PTPRD: variants seen among roughly 807,000 people sequenced by gnomAD.
PTPRD encodes protein tyrosine phosphatase receptor type D, also known as receptor-type tyrosine-protein phosphatase delta.
A neutral mutation model predicts 214.5 loss-of-function variants in PTPRD; 34 were observed. The observed-to-expected ratio is 0.16, with a 90% CI of 0.12 to 0.21. PTPRD has a LOEUF of 0.21. Among genes scored for constraint, PTPRD ranks in the 10% least tolerant of loss-of-function variants. The probability of loss-of-function intolerance (pLI) is 1.00; values close to 1 mark genes in which losing one functional copy is unlikely to be tolerated. For missense variants in PTPRD, 2,545 were observed against 2,398.7 expected (o/e 1.06, Z -1.27); for synonymous variants, 1,128 against 845.7 (o/e 1.33, Z -5.79).
At chr9:9,998,042 C>T (rs1271853480) in intron 4 of PTPRD, among the ~76,000 whole-genome samples, 4 of 150,594 alleles carry the variant, frequency 2.7e-5, no homozygotes, top group African/African-American at 9.8e-5. Flanking sequence ...CACTTTTCTG[C>T]CCCACACAGA....
At chr9:10,472,781 A>C (rs2099039580) in intron 2 of PTPRD, among the ~76,000 whole-genome samples, 1 of 152,086 alleles carries the variant, frequency 6.6e-6, no homozygotes, top group Non-Finnish European at 1.5e-5. Flanking sequence ...AATTAAACAT[A>C]TATCTGATAT....
chr9:8,659,932 A>T (rs922153663), intron 12 of PTPRD, among the ~76,000 whole-genome samples: 1 of 152,214 alleles, frequency 6.6e-6, no homozygotes, highest in Non-Finnish European at 1.5e-5. Context: ...ATGTAGAGAG[A>T]GAGAGAGAGA....
chr9:8,611,176 G>A (rs1595206881), intron 14 of PTPRD, among the ~76,000 whole-genome samples: 1 of 152,084 alleles, frequency 6.6e-6, no homozygotes, highest in African/African-American at 2.4e-5. Context: ...GGTATCCCCT[G>A]TAAAGTAAGA....
At position 8,690,915 on chromosome 9, in the gene PTPRD, ATAAT is replaced by A. The variant is rs367743186; in HGVS notation, c.64+42861_64+42864del. Among the ~76,000 whole-genome samples the A allele has an allele frequency of 3.9e-4, 59 of 152,312 alleles. 1 individual carries two copies. The East Asian group carries it at 0.011, about 28-fold the overall frequency. ...TAATCTTGAATATTAAGCAGACTTA[ATAAT>A]TAAGTGGAAAAATGGATTTGACTGG... is the stretch of plus-strand genomic sequence containing the variant. On this transcript the variant is annotated intron_variant, in intron 12 of 45. Transcript: ENST00000381196.
intron 3 of PTPRD, among the ~76,000 whole-genome samples, chr9:10,327,454 T>C (rs1245724106): frequency 1.3e-5 from 2 of 151,404 alleles, no homozygotes; most frequent in Non-Finnish European, 3.0e-5. Flanking sequence ...AAGGAATTAT[T>C]GTAAGGTCTC....
At chr9:9,235,374 C>A (rs1164030196) in intron 9 of PTPRD, among the ~76,000 whole-genome samples, 2 of 152,144 alleles carry the variant, frequency 1.3e-5, no homozygotes, top group Non-Finnish European at 2.9e-5. Flanking sequence ...AGAGTTTCCA[C>A]TGATGGGGGC....
intron 3 of PTPRD, among the ~76,000 whole-genome samples, chr9:10,186,723 T>C (rs1217099673): frequency 6.6e-6 from 1 of 152,160 alleles, no homozygotes; most frequent in African/African-American, 2.4e-5. Context: ...CATTCTCAAA[T>C]GTATAAATTA....
At chr9:8,850,353 G>T (rs2097787075) in intron 11 of PTPRD, among the ~76,000 whole-genome samples, 1 of 152,108 alleles carries the variant, frequency 6.6e-6, no homozygotes, top group Admixed American at 6.5e-5. Context: ...TAGATAAAAT[G>T]AAAATAAAAG....
chr9:9,834,631 C>G (rs557574088), intron 5 of PTPRD, among the ~76,000 whole-genome samples: 1 of 151,936 alleles, frequency 6.6e-6, no homozygotes, highest in Non-Finnish European at 1.5e-5. Flanking sequence ...AAGGAGCAAC[C>G]CAAAGCCTCT....
At chr9:10,438,008 C>CATATATATATATATATAT (rs71485332) in intron 2 of PTPRD, among the ~76,000 whole-genome samples, 9 of 125,148 alleles carry the variant, frequency 7.2e-5, no homozygotes, top group African/African-American at 2.7e-4. Flanking sequence ...CCTAAGTCTA[C>CATATATATATATATATAT]ATATATATAT....
intron 39 of PTPRD, among the ~76,000 whole-genome samples, chr9:8,344,874 G>T (rs1037676625): frequency 2.0e-5 from 3 of 150,668 alleles, no homozygotes; most frequent in African/African-American, 7.3e-5. Flanking sequence ...TAATTATCCA[G>T]TAAGTCTTAA....
chr9:9,660,795 T>C (rs557705743), intron 7 of PTPRD, among the ~76,000 whole-genome samples: 1 of 151,968 alleles, frequency 6.6e-6, no homozygotes, highest in Non-Finnish European at 1.5e-5. Flanking sequence ...AGAAAATTAA[T>C]CTTGCAACAA....
chr9:10,505,608 G>C (rs555681849), intron 2 of PTPRD, among the ~76,000 whole-genome samples: 1 of 151,840 alleles, frequency 6.6e-6, no homozygotes, highest in Non-Finnish European at 1.5e-5. Context: ...TAGTCACCAG[G>C]CATACCATGG....
At chr9:10,411,617 C>T (rs1448059012) in intron 2 of PTPRD, among the ~76,000 whole-genome samples, 1 of 151,610 alleles carries the variant, frequency 6.6e-6, no homozygotes, top group Non-Finnish European at 1.5e-5. Context: ...TATATTGTGC[C>T]TGAATTTGCA....
intron 7 of PTPRD, among the ~76,000 whole-genome samples, chr9:9,608,573 A>T (rs139861236): frequency 6.6e-6 from 1 of 152,346 alleles, no homozygotes; most frequent in African/African-American, 2.4e-5. Context: ...TATTTAGTGA[A>T]TAGAAGGTAG....
chr9:9,889,532 A>G (rs1255680732), intron 5 of PTPRD, among the ~76,000 whole-genome samples: 1 of 152,148 alleles, frequency 6.6e-6, no homozygotes, highest in African/African-American at 2.4e-5. Flanking sequence ...CCCAGAGAAC[A>G]CCAAGCCTCT....
chr9:10,132,586 A>C (rs1008092904), intron 3 of PTPRD, among the ~76,000 whole-genome samples: 1 of 152,176 alleles, frequency 6.6e-6, no homozygotes, highest in Non-Finnish European at 1.5e-5. Context: ...GAAATTATTG[A>C]CTTAGCATGT....
rs559884499 is a variant in PTPRD at position 9,955,626 on chromosome 9, C to T, written c.-471-17016G>A. On this transcript the variant is annotated intron_variant, in intron 4 of 45. Transcript: ENST00000381196. ...GCAAGCTCCGCCTCCCAGGTTCACG[C>T]CATTCTCCTGCCTCAGCCTCCCAAG... Among the ~76,000 whole-genome samples, 365 of 151,882 alleles carry T rather than the reference C, an allele frequency of 2.4e-3. 1 individual carries two copies. The highest frequency in any genetic ancestry group is 4.2e-3 in the Non-Finnish European group (286 of 67,944).
intron 2 of PTPRD, among the ~76,000 whole-genome samples, chr9:10,600,285 T>C (rs2077634111): frequency 6.6e-6 from 1 of 151,788 alleles, no homozygotes; most frequent in African/African-American, 2.4e-5. Flanking sequence ...TGGAATTTCT[T>C]ATTATCAAAG....
Sources: allele counts gnomAD v4.1 joint callset (sites outside exome capture counted in the v4.1 genomes callset), GRCh38; gene constraint gnomAD v4.1.1; transcripts MANE v1.5; gene names NCBI Gene and HGNC (gene_info 2026-07-23, HGNC 2026-07-21).